The following ESRRB variants were observed in gnomAD, a reference collection of about 807,000 sequenced individuals.
The protein encoded by ESRRB is estrogen related receptor beta.
Under a neutral mutation model 46.0 loss-of-function variants are expected in ESRRB, and 16 were observed. The ratio of observed to expected loss-of-function variants is 0.35; its 90% CI spans 0.24 to 0.53. The LOEUF is 0.53. Ranked by LOEUF, ESRRB falls within the 20% of genes least tolerant of loss-of-function variation. The pLI, the probability that ESRRB is intolerant of heterozygous loss-of-function variation, is 0.93. For synonymous variants in ESRRB, 246 were observed against 259.6 expected, an observed-to-expected ratio of 0.95 and a Z score of 0.50; for missense variants, 488 against 607.4, an observed-to-expected ratio of 0.80 and a Z score of 2.07.
At chr14:76,380,440 C>T (rs566703404) in intron 1 of ESRRB, among the ~76,000 whole-genome samples, 63 of 152,148 alleles carry the variant, frequency 4.1e-4, no homozygotes, top group Non-Finnish European at 7.9e-4. Context: ...GTCCTTTAAG[C>T]GACTTCTTAA....
intron 1 of ESRRB, among the ~76,000 whole-genome samples, chr14:76,406,650 CAGG>C (rs1407871900): frequency 6.6e-6 from 1 of 152,156 alleles, no homozygotes; most frequent in Non-Finnish European, 1.5e-5. Context: ...GAGGCTGAAG[CAGG>C]AGAATTGCTT....
chr14:76,362,861 A>G (rs946247140), intron 1 of ESRRB, among the ~76,000 whole-genome samples: 9 of 152,174 alleles, frequency 5.9e-5, no homozygotes, highest in African/African-American at 2.2e-4. Flanking sequence ...TTCTATGTAC[A>G]GTTTCAACTG....
upstream of ESRRB, among the ~76,000 whole-genome samples, chr14:76,368,743 G>A (rs1245647721): frequency 1.3e-5 from 2 of 152,200 alleles, no homozygotes; most frequent in Non-Finnish European, 2.9e-5. Context: ...GGATGGCCAT[G>A]CTATGAAGCT....
intron 1 of ESRRB, among the ~76,000 whole-genome samples, chr14:76,316,780 T>C (rs1883805605): frequency 1.3e-5 from 2 of 152,194 alleles, no homozygotes; most frequent in South Asian, 4.1e-4. Context: ...TTTTATCATA[T>C]GTGCACAAAT....
At chr14:76,373,635 G>A (rs1018958824), upstream of ESRRB, among the ~76,000 whole-genome samples, 4 of 152,190 alleles carry the variant, frequency 2.6e-5, no homozygotes, top group South Asian at 2.1e-4. Flanking sequence ...GTGTCCCGGC[G>A]GCTGGCCCTC....
chr14:76,411,602 C>G (rs1248459775), intron 1 of ESRRB, among the ~76,000 whole-genome samples: 1 of 152,166 alleles, frequency 6.6e-6, no homozygotes, highest in Non-Finnish European at 1.5e-5. Context: ...CTACTAGACA[C>G]TGTGTGTGTT....
chr14:76,433,960 A>G (rs916968724), intron 1 of ESRRB, among the ~76,000 whole-genome samples: 1 of 127,058 alleles, frequency 7.9e-6, no homozygotes. Flanking sequence ...TCCTGCCTTT[A>G]CATTTTTTTT....
upstream of ESRRB, among the ~76,000 whole-genome samples, chr14:76,370,360 T>A (rs1340149151): frequency 6.6e-6 from 1 of 151,952 alleles, no homozygotes; most frequent in Non-Finnish European, 1.5e-5. Context: ...ATCACGCCAT[T>A]GTACTCCAGT....
chr14:76,488,695 A>G (rs887852981), intron 5 of ESRRB, among the ~76,000 whole-genome samples: 2 of 152,118 alleles, frequency 1.3e-5, no homozygotes, highest in African/African-American at 4.8e-5. Flanking sequence ...CAGAGCTGGG[A>G]TGGGCCATCC....
chr14:76,389,668 G>A (rs1885387552), intron 1 of ESRRB, among the ~76,000 whole-genome samples: 2 of 152,150 alleles, frequency 1.3e-5, no homozygotes, highest in Admixed American at 1.3e-4. Context: ...TGAAATCCTG[G>A]TCCCAATGGT....
At chr14:76,389,038 C>G (rs866160996) in intron 1 of ESRRB, among the ~76,000 whole-genome samples, 4 of 152,174 alleles carry the variant, frequency 2.6e-5, no homozygotes, top group African/African-American at 7.2e-5. Context: ...AGGCACCCCC[C>G]ACCAAGCCAA....
chr14:76,338,105 C>A (rs895931985), intron 1 of ESRRB, among the ~76,000 whole-genome samples: 1 of 152,280 alleles, frequency 6.6e-6, no homozygotes, highest in East Asian at 1.9e-4. Context: ...AGCTTCAAGG[C>A]GACTCCCAGG....
At chr14:76,371,019 AGTG>A (rs1158720519), upstream of ESRRB, among the ~76,000 whole-genome samples, 1 of 152,214 alleles carries the variant, frequency 6.6e-6, no homozygotes, top group Non-Finnish European at 1.5e-5. Context: ...GGATGACGCC[AGTG>A]GTGGGAGGGC....
chr14:76,386,520 G>A (rs573316305), intron 1 of ESRRB, among the ~76,000 whole-genome samples: 7 of 140,060 alleles, frequency 5.0e-5, no homozygotes, highest in South Asian at 2.3e-4. Flanking sequence ...GCAGTGACAC[G>A]ATCTCGGCTC....
chr14:76,411,052 G>A (rs1886416371), intron 1 of ESRRB, among the ~76,000 whole-genome samples: 1 of 151,798 alleles, frequency 6.6e-6, no homozygotes, highest in African/African-American at 2.4e-5. Flanking sequence ...CCAAAGTGCT[G>A]GGATTACAGG....
chr14:76,459,908 AG>A (rs1160868076), intron 2 of ESRRB, among the ~76,000 whole-genome samples: 1 of 151,862 alleles, frequency 6.6e-6, no homozygotes, highest in African/African-American at 2.4e-5. Flanking sequence ...AGAGAGGGAG[AG>A]GGGGAGAGAG....
chr14:76,376,231 GCAC>G lies in ESRRB; in HGVS notation c.-170_-168del. On this transcript the variant is annotated 5_prime_UTR_variant, in exon 1 of 7. Coordinates refer to ENST00000644823, the MANE Select transcript of ESRRB (RefSeq NM_001379180.1). This position sits in a 1 kb window ranked among gnomAD's most constrained non-coding sequence, Gnocchi z 4.1. ...ATGAGTGGAGAGCTGGGCTGTGCGC[GCAC>G]GGCTCTCTGCCTCCCTCTCCCCCGC... The G allele has an allele frequency of 2.5e-6, 1 of 407,438 alleles. No homozygotes were observed. Among genetic ancestry groups the G allele is most frequent in the South Asian group, 1.4e-4 (1 of 7,286 alleles). 25.2% of individuals were successfully genotyped at this position (407,438 alleles called of 1,614,324 possible). A position where few individuals can be genotyped will look rare whatever the true frequency, so the allele number is the denominator to read the frequency against.
chr14:76,451,582 T>A (rs1187819219), intron 2 of ESRRB, among the ~76,000 whole-genome samples: 4 of 152,198 alleles, frequency 2.6e-5, no homozygotes, highest in African/African-American at 9.7e-5. Flanking sequence ...CAGGAGAGGC[T>A]AGGGGCTGGG....
intron 1 of ESRRB, among the ~76,000 whole-genome samples, chr14:76,378,570 C>T (rs1595062044): frequency 6.6e-6 from 1 of 152,060 alleles, no homozygotes; most frequent in South Asian, 2.1e-4. Flanking sequence ...CTGTCTCCAC[C>T]GAGGAATTGA....
Sources: gnomAD v4.1 joint callset for allele counts (sites outside exome capture counted in the v4.1 genomes callset) on GRCh38, gnomAD v4.1.1 for gene constraint, Gnocchi (gnomAD v3.1) non-coding constraint, MANE v1.5 for transcripts, NCBI Gene and HGNC (gene_info 2026-07-23, HGNC 2026-07-21) for gene names.